The following PRKCE variants were observed in gnomAD, a reference collection of about 807,000 sequenced individuals.
The protein encoded by PRKCE is protein kinase C epsilon type.
A neutral mutation model predicts 85.4 loss-of-function variants in PRKCE; 16 were observed. The ratio of observed to expected loss-of-function variants is 0.19; its 90% confidence interval spans 0.13 to 0.28. PRKCE has a LOEUF of 0.28. Ranked by LOEUF, PRKCE falls within the 10% of genes least tolerant of loss-of-function variation. The probability of loss-of-function intolerance (pLI) is 1.00; values close to 1 mark genes in which losing one functional copy is unlikely to be tolerated. For synonymous variants in PRKCE, 388 were observed against 371.5 expected, an observed-to-expected ratio of 1.04 and a Z score of -0.51; for missense variants, 573 against 975.2, an observed-to-expected ratio of 0.59 and a Z score of 5.49.
At chr2:45,676,291 T>C (rs918319683) in intron 1 of PRKCE, 2 of 152,204 alleles carry the variant, frequency 1.3e-5, no homozygotes, top group African/African-American at 2.4e-5. Context: ...GCAGCCTGTT[T>C]CTTGTAACTA....
chr2:45,804,221 C>T (rs979643316), intron 1 of PRKCE, among the ~76,000 whole-genome samples: 5 of 152,190 alleles, frequency 3.3e-5, no homozygotes, highest in Non-Finnish European at 1.5e-5. Flanking sequence ...AAGCCAAGGG[C>T]TCCAGTAGGA....
chr2:45,935,880 C>T (rs1349365211), intron 2 of PRKCE, among the ~76,000 whole-genome samples: 1 of 152,196 alleles, frequency 6.6e-6, no homozygotes, highest in African/African-American at 2.4e-5. Context: ...TCTGTGTGCA[C>T]CTGGACCCAT....
At chr2:45,930,208 A>G (rs1177279191) in intron 2 of PRKCE, among the ~76,000 whole-genome samples, 1 of 152,240 alleles carries the variant, frequency 6.6e-6, no homozygotes, top group Admixed American at 6.5e-5. Flanking sequence ...GCAGAAGAAG[A>G]TGTCACAGAC....
chr2:46,136,393 T>A (rs1199542095), intron 11 of PRKCE, among the ~76,000 whole-genome samples: 1 of 152,232 alleles, frequency 6.6e-6, no homozygotes, highest in Non-Finnish European at 1.5e-5. Flanking sequence ...CTGTTATTCT[T>A]AGGGAATCTA....
chr2:45,816,351 A>C (rs1249530674), intron 1 of PRKCE, among the ~76,000 whole-genome samples: 1 of 151,902 alleles, frequency 6.6e-6, no homozygotes, highest in Non-Finnish European at 1.5e-5. Context: ...CACGAGGTTT[A>C]AAGTTTTTGG....
intron 1 of PRKCE, among the ~76,000 whole-genome samples, chr2:45,764,558 C>T (rs890585181): frequency 2.6e-5 from 4 of 152,220 alleles, no homozygotes; most frequent in South Asian, 2.1e-4. Flanking sequence ...GGCATGGCCC[C>T]GAAACCAGAC....
intron 1 of PRKCE, among the ~76,000 whole-genome samples, chr2:45,805,970 G>C (rs1688212197): frequency 6.6e-6 from 1 of 152,196 alleles, no homozygotes; most frequent in Non-Finnish European, 1.5e-5. Flanking sequence ...GAGAGGTCAA[G>C]GAGCTTGCCC....
chr2:45,829,079 A>C (rs1327793448), intron 1 of PRKCE, among the ~76,000 whole-genome samples: 1 of 152,012 alleles, frequency 6.6e-6, no homozygotes, highest in African/African-American at 2.4e-5. Context: ...GCTACAATTT[A>C]TTTAAATAAT....
At chr2:46,088,483 A>G (rs117354955) in intron 11 of PRKCE, among the ~76,000 whole-genome samples, 1 of 152,278 alleles carries the variant, frequency 6.6e-6, no homozygotes, top group East Asian at 1.9e-4. Context: ...TTGTGGTAGG[A>G]TTAGACATCT....
chr2:46,154,812 A>G (rs1447797828), intron 13 of PRKCE, among the ~76,000 whole-genome samples: 1 of 151,036 alleles, frequency 6.6e-6, no homozygotes, highest in Non-Finnish European at 1.5e-5. Flanking sequence ...GATACCTGAT[A>G]GCAGTTTCCA....
chr2:46,111,443 C>T (rs79436024), intron 11 of PRKCE, among the ~76,000 whole-genome samples: 1,593 of 152,266 alleles, frequency 0.01, 39 homozygotes, highest in African/African-American at 0.036. Context: ...CTTTAGAAAA[C>T]TTTCGTCACA....
chr2:45,959,006 C>G (rs1701203151), intron 2 of PRKCE, among the ~76,000 whole-genome samples: 1 of 151,022 alleles, frequency 6.6e-6, no homozygotes, highest in African/African-American at 2.4e-5. Context: ...ACATTTCAGG[C>G]TGACAGGTTA....
In PRKCE at chr2:46,029,685, G is replaced by GTTT. The variant is rs10658922; in HGVS notation, c.1437+19179_1437+19181dup. ...GGGAAAGGGGTTTGTCGTCGTATGG[G>GTTT]TTTTTTTTTTTTTGTGGGAAAGCTT... is the stretch of plus-strand genomic sequence containing the variant. On this transcript the variant is annotated intron_variant, in intron 10 of 14. Coordinates refer to ENST00000306156, the MANE Select transcript of PRKCE (RefSeq NM_005400.3). Among the ~76,000 whole-genome samples the GTTT allele has an allele frequency of 9.4e-4, 138 of 146,346 alleles. 1 individual carries two copies. The highest frequency in any genetic ancestry group is 1.7e-3 in the South Asian group (8 of 4,604).
chr2:46,072,523 A>G (rs1276511433), intron 10 of PRKCE, among the ~76,000 whole-genome samples: 2 of 152,256 alleles, frequency 1.3e-5, no homozygotes, highest in Non-Finnish European at 2.9e-5. Context: ...AAGAAATGCA[A>G]TTATGGAGTG....
intron 10 of PRKCE, among the ~76,000 whole-genome samples, chr2:46,027,710 G>A (rs1707219992): frequency 6.6e-6 from 1 of 152,082 alleles, no homozygotes; most frequent in South Asian, 2.1e-4. Context: ...TCATTCTTTT[G>A]CCACTAAAGT....
intron 5 of PRKCE, among the ~76,000 whole-genome samples, chr2:45,982,858 C>T (rs953285266): frequency 4.6e-5 from 7 of 152,182 alleles, no homozygotes; most frequent in African/African-American, 1.4e-4. Flanking sequence ...GGACAACGTC[C>T]CCACTTTTTC....
At chr2:46,172,539 C>T (rs537307233) in intron 14 of PRKCE, among the ~76,000 whole-genome samples, 2 of 152,336 alleles carry the variant, frequency 1.3e-5, no homozygotes, top group South Asian at 2.1e-4. Flanking sequence ...CAGGAATAAG[C>T]GCCATCCCTC....
chr2:45,712,403 A>G (rs1309673525), intron 1 of PRKCE, among the ~76,000 whole-genome samples: 1 of 148,664 alleles, frequency 6.7e-6, no homozygotes, highest in East Asian at 2.0e-4. Flanking sequence ...GATTTACCCC[A>G]CCTTGGCCTT....
At chr2:46,021,099 G>A (rs925784196) in intron 10 of PRKCE, among the ~76,000 whole-genome samples, 3 of 152,164 alleles carry the variant, frequency 2.0e-5, no homozygotes, top group Admixed American at 6.5e-5. Context: ...CTGGGGCATT[G>A]GGGGGCAGGG....
Sources: allele counts gnomAD v4.1 joint callset (sites outside exome capture counted in the v4.1 genomes callset), GRCh38; gene constraint gnomAD v4.1.1; transcripts MANE v1.5; gene names NCBI Gene and HGNC (gene_info 2026-07-23, HGNC 2026-07-21).